The following KLHL32 variants were observed in gnomAD, a reference collection of about 807,000 sequenced individuals.
KLHL32 encodes the protein kelch like family member 32.
Under a neutral mutation model 64.8 loss-of-function variants are expected in KLHL32, and 35 were observed. The observed-to-expected ratio is 0.54, with a 90% CI of 0.41 to 0.72. The LOEUF (loss-of-function observed/expected upper bound fraction) is 0.72, where lower values mean the gene tolerates loss of function less well. Among genes scored for constraint, KLHL32 ranks in the 30% least tolerant of loss-of-function variants. KLHL32 has a pLI of 0.00. For missense variants in KLHL32, 589 were observed against 768.5 expected (o/e 0.77, Z 2.76); for synonymous variants, 259 against 281.0 (o/e 0.92, Z 0.78).
chr6:96,963,386 C>A (rs1582497245), intron 1 of KLHL32, among the ~76,000 whole-genome samples: 2 of 152,314 alleles, frequency 1.3e-5, no homozygotes, highest in African/African-American at 4.8e-5. Flanking sequence ...AGGAGTCCTC[C>A]TCTTCCTGTT....
chr6:96,949,769 C>T (rs181338451), intron 1 of KLHL32, among the ~76,000 whole-genome samples: 69 of 152,006 alleles, frequency 4.5e-4, no homozygotes, highest in Admixed American at 2.0e-3. Context: ...TTTTTTTCCC[C>T]TCCTAAATTT....
chr6:97,005,492 T>G (rs559176237), intron 3 of KLHL32, among the ~76,000 whole-genome samples: 1 of 152,222 alleles, frequency 6.6e-6, no homozygotes, highest in African/African-American at 2.4e-5. Context: ...GATTCAGCTC[T>G]GATTTTGGTT....
chr6:97,044,879 T>C lies in KLHL32; in HGVS notation c.312+3280T>C, dbSNP rs1007898062. Reference sequence around the variant, plus strand: ...AATATCTTCTCTTTCATTTCTGATTTTATTTATTTGAATCTTCTCGTTTTT... The same window carrying C: ...AATATCTTCTCTTTCATTTCTGATTCTATTTATTTGAATCTTCTCGTTTTT... On this transcript the variant is annotated intron_variant, in intron 4 of 10. Coordinates refer to ENST00000369261, the MANE Select transcript of KLHL32 (RefSeq NM_052904.4). Among the ~76,000 whole-genome samples the C allele has an allele frequency of 2.6e-5, 4 of 152,088 alleles. No homozygotes were observed. In the South Asian group the frequency reaches 8.3e-4, roughly 31 times the overall value.
the KLHL32 span, among the ~76,000 whole-genome samples, chr6:96,907,934 A>C: frequency 3.8e-3 from 572 of 152,354 alleles, 4 homozygotes; most frequent in African/African-American, 0.013. Flanking sequence ...TCCATCTTCT[A>C]ACTCAGAAAC....
chr6:96,948,212 G>A (rs533805142), intron 1 of KLHL32, among the ~76,000 whole-genome samples: 1 of 152,254 alleles, frequency 6.6e-6, no homozygotes, highest in East Asian at 1.9e-4. Context: ...TGAGCGGTGT[G>A]AATTTTAGTC....
intron 10 of KLHL32, among the ~76,000 whole-genome samples, 157 bp from the exon 11 acceptor site, chr6:97,138,964 A>C (rs905757380): frequency 6.6e-6 from 1 of 152,240 alleles, no homozygotes; most frequent in Non-Finnish European, 1.5e-5. Context: ...GGAGCTTAAT[A>C]AATATTTCTA....
At chr6:97,096,612 C>T (rs991839907) in intron 6 of KLHL32, among the ~76,000 whole-genome samples, 4 of 152,210 alleles carry the variant, frequency 2.6e-5, no homozygotes, top group Admixed American at 2.6e-4. Flanking sequence ...AATTCCTTTT[C>T]CCCAGATATT....
At position 96,994,492 on chromosome 6, in the gene KLHL32, C is replaced by A. The variant is rs1343351914; in HGVS notation, c.204+18315C>A. ...ATAAAGTAGATTTTTGTGCTCTGTA[C>A]TCTGATATTTGGCAGTTTATTTTGA... On this transcript the variant is annotated intron_variant, in intron 3 of 10. Transcript: ENST00000369261. The A allele has an allele frequency of 3.0e-6, 3 of 984,866 alleles. No individual in the cohort carries two copies. The African/African-American group carries it at 5.2e-5, about 17-fold the overall frequency. The allele number at this position is 984,866 out of a possible 1,614,324, so 61.0% of individuals were successfully genotyped here. A position where few individuals can be genotyped will look rare whatever the true frequency, so the allele number is the denominator to read the frequency against.
intron 3 of KLHL32, among the ~76,000 whole-genome samples, chr6:96,992,407 G>T (rs888076577): frequency 1.3e-5 from 2 of 152,244 alleles, no homozygotes; most frequent in Non-Finnish European, 2.9e-5. Flanking sequence ...CTTCCTTGAT[G>T]AAAGTGTCCA....
At chr6:96,935,522 A>G (rs1261008427) in intron 1 of KLHL32, among the ~76,000 whole-genome samples, 5 of 152,220 alleles carry the variant, frequency 3.3e-5, no homozygotes, top group East Asian at 1.9e-4. Flanking sequence ...AAGAGGGAAC[A>G]CTAACTGTGA....
chr6:97,100,466 C>G (rs535540696), intron 6 of KLHL32, among the ~76,000 whole-genome samples: 176 of 152,342 alleles, frequency 1.2e-3, no homozygotes, highest in Middle Eastern at 3.4e-3. Context: ...CTGGCCCTGA[C>G]AGTGTTTAGT....
chr6:97,068,009 G>GACAC (rs60482205), intron 5 of KLHL32, among the ~76,000 whole-genome samples: 5 of 149,934 alleles, frequency 3.3e-5, no homozygotes, highest in African/African-American at 9.8e-5. Context: ...ACTTCATACA[G>GACAC]ACACACACAC....
chr6:97,017,337 A>G (rs1383222575), intron 3 of KLHL32, among the ~76,000 whole-genome samples: 1 of 152,208 alleles, frequency 6.6e-6, no homozygotes, highest in Non-Finnish European at 1.5e-5. Context: ...GAAGCTTCTT[A>G]ATCTCCAGGG....
chr6:97,044,169 A>G (rs766225547), intron 4 of KLHL32, among the ~76,000 whole-genome samples: 9 of 152,032 alleles, frequency 5.9e-5, no homozygotes, highest in Non-Finnish European at 1.3e-4. Flanking sequence ...CATTCTTTCT[A>G]TGCCTAACTT....
Position 97,015,908 on chromosome 6 carries a change from A to G in KLHL32, c.205-25584A>G, listed in dbSNP as rs914907886. On this transcript the variant is annotated intron_variant, in intron 3 of 10. Transcript: ENST00000369261. ...AGCCATGGCTAAAAGGGACCAAGGT[A>G]CAGCTCAGACCATTGCTTCAGAGGG... 3.9e-5 allele frequency among the ~76,000 whole-genome samples: 6 copies of G among 152,330 alleles called. No individual in the cohort carries two copies. The East Asian group carries it at 5.8e-4, about 15-fold the overall frequency.
chr6:96,986,784 A>C (rs535397409), intron 3 of KLHL32, among the ~76,000 whole-genome samples: 4 of 152,114 alleles, frequency 2.6e-5, no homozygotes, highest in Non-Finnish European at 4.4e-5. Context: ...CCTTTCTTTG[A>C]CTAGGAATGG....
intron 6 of KLHL32, among the ~76,000 whole-genome samples, chr6:97,107,789 T>C (rs1223602884): frequency 2.6e-5 from 4 of 152,184 alleles, no homozygotes; most frequent in Non-Finnish European, 4.4e-5. Flanking sequence ...TAAATAAATA[T>C]GTGTGTATGT....
the KLHL32 span, among the ~76,000 whole-genome samples, chr6:96,915,654 A>T: frequency 1.7e-4 from 2 of 12,102 alleles, no homozygotes; most frequent in African/African-American, 4.2e-4. Context: ...TCCATGGAGT[A>T]AAAAAAAAAA....
intron 10 of KLHL32, among the ~76,000 whole-genome samples, chr6:97,133,193 A>G (rs1048008343): frequency 1.3e-5 from 2 of 152,196 alleles, no homozygotes; most frequent in African/African-American, 2.4e-5. Flanking sequence ...GGCTGTGAGC[A>G]GTAGTGGTTT....
Sources: allele counts gnomAD v4.1 joint callset (sites outside exome capture counted in the v4.1 genomes callset), GRCh38; gene constraint gnomAD v4.1.1; transcripts MANE v1.5; gene names NCBI Gene and HGNC (gene_info 2026-07-23, HGNC 2026-07-21).